The following ERP44 variants were observed in gnomAD, a reference collection of about 807,000 sequenced individuals.
The protein encoded by ERP44 is endoplasmic reticulum resident protein 44.
A neutral mutation model predicts 53.4 loss-of-function variants in ERP44; 25 were observed. The ratio of observed to expected loss-of-function variants is 0.47; its 90% confidence interval spans 0.34 to 0.65. The LOEUF is 0.65. Ranked by LOEUF, ERP44 falls within the 30% of genes least tolerant of loss-of-function variation. The pLI, the probability that ERP44 is intolerant of heterozygous loss-of-function variation, is 0.01. For missense variants in ERP44, 338 were observed against 493.2 expected, an observed-to-expected ratio of 0.69 and a Z score of 2.98; for synonymous variants, 145 against 161.2, an observed-to-expected ratio of 0.90 and a Z score of 0.76.
intron 10 of ERP44, among the ~76,000 whole-genome samples, chr9:100,004,454 G>A (rs889401979): frequency 1.3e-4 from 20 of 152,184 alleles, no homozygotes; most frequent in African/African-American, 4.6e-4. Context: ...CCTGGGGCTT[G>A]GAGATATTGC....
intron 10 of ERP44, among the ~76,000 whole-genome samples, chr9:99,992,088 A>G (rs1830262629): frequency 6.6e-6 from 1 of 152,258 alleles, no homozygotes; most frequent in Admixed American, 6.5e-5. Context: ...TACCAGAGGT[A>G]CAAAGAGCAG....
At chr9:100,061,289 CA>C (rs1826143983) in intron 1 of ERP44, among the ~76,000 whole-genome samples, 1 of 151,526 alleles carries the variant, frequency 6.6e-6, no homozygotes, top group South Asian at 2.1e-4. Context: ...ACTAAAAATA[CA>C]AAAATTAGCC....
rs1309212000 is a variant in ERP44 at position 100,023,414 on chromosome 9, AT to A, written c.287-1189del. On this transcript the variant is annotated intron_variant, in intron 4 of 11. Coordinates refer to ENST00000262455, the MANE Select transcript of ERP44 (RefSeq NM_015051.3). ...CTGAGAAATCATAAAAAAAAAAAAA[AT>A]AAGAAACTTTGATTTCTTTTTTTTT... Among the ~76,000 whole-genome samples the A allele has an allele frequency of 4.8e-4, 71 of 147,566 alleles. 1 individual carries two copies. The highest frequency in any genetic ancestry group is 3.5e-3 in the Middle Eastern group (1 of 288).
Position 100,098,937 on chromosome 9 carries a change from G to A in ERP44, c.-97C>T, listed in dbSNP as rs1055860655. The A allele has an allele frequency of 1.7e-5, 16 of 944,376 alleles. No individual in the cohort carries two copies. The African/African-American group carries it at 2.3e-4, about 14-fold the overall frequency. 58.5% of individuals were successfully genotyped at this position (944,376 alleles called of 1,614,324 possible). A position where few individuals can be genotyped will look rare whatever the true frequency, so the allele number is the denominator to read the frequency against. On this transcript the variant is annotated 5_prime_UTR_variant, in exon 1 of 12. Coordinates refer to ENST00000262455, the MANE Select transcript of ERP44 (RefSeq NM_015051.3). ...AAGGGCTGGGCTCCGGGAGCCGACG[G>A]CAGCGGAGGATTCTCCAGGCAGCGG...
At chr9:100,094,188 G>T (rs893834164) in intron 1 of ERP44, among the ~76,000 whole-genome samples, 1 of 151,892 alleles carries the variant, frequency 6.6e-6, no homozygotes, top group East Asian at 1.9e-4. Context: ...ATTTCTATCC[G>T]CATCTCTAGA....
chr9:100,089,862 T>A (rs913327224), intron 1 of ERP44, among the ~76,000 whole-genome samples: 1 of 152,184 alleles, frequency 6.6e-6, no homozygotes, highest in African/African-American at 2.4e-5. Flanking sequence ...GGGTTCGGTA[T>A]AATCCACAAT....
rs200014739 is a variant in ERP44 at position 99,996,944 on chromosome 9, TAC to T, written c.1016+9560_1016+9561del. On this transcript the variant is annotated intron_variant, in intron 10 of 11. Coordinates refer to ENST00000262455, the MANE Select transcript of ERP44 (RefSeq NM_015051.3). ...ATATGTATATATATACACATACATATACACACACACATGTATATGTACACATA... is the reference window on the plus strand; with the variant it reads ...ATATGTATATATATACACATACATATACACACACATGTATATGTACACATA... Among the ~76,000 whole-genome samples the T allele has an allele frequency of 2.5e-3, 376 of 148,888 alleles. 2 individuals are homozygous for T. Among genetic ancestry groups the T allele is most frequent in the Non-Finnish European group, 3.5e-3 (237 of 67,792 alleles).
chr9:99,982,798 G>C, intron 11 of ERP44, 85 bp from the exon 12 acceptor site: 1 of 663,440 alleles, frequency 1.5e-6, no homozygotes, highest in Non-Finnish European at 2.3e-6. Context: ...ATGAATAGTA[G>C]TTCCCCTATA....
At chr9:100,068,507 C>G (rs1826257570) in intron 1 of ERP44, among the ~76,000 whole-genome samples, 1 of 142,510 alleles carries the variant, frequency 7.0e-6, no homozygotes, top group South Asian at 2.3e-4. Context: ...GCCGCCCCGT[C>G]CGGGAGGGAG....
intron 1 of ERP44, among the ~76,000 whole-genome samples, chr9:100,092,684 A>G (rs1254853689): frequency 5.3e-5 from 8 of 152,220 alleles, no homozygotes; most frequent in Non-Finnish European, 1.0e-4. Flanking sequence ...TTTTTTGAAA[A>G]GAAGACACAT....
chr9:100,039,891 A>G (rs145528441), intron 4 of ERP44, among the ~76,000 whole-genome samples: 23 of 152,244 alleles, frequency 1.5e-4, no homozygotes, highest in African/African-American at 5.5e-4. Flanking sequence ...ACTGTGTGCA[A>G]CTATTTGCCA....
chr9:100,046,330 C>CAAA (rs1825969412), intron 4 of ERP44, among the ~76,000 whole-genome samples: 1 of 151,828 alleles, frequency 6.6e-6, no homozygotes, highest in African/African-American at 2.4e-5. Flanking sequence ...ACAACAACAA[C>CAAA]AAAAAGATAT....
chr9:100,097,083 T>C (rs1203126740), intron 1 of ERP44, among the ~76,000 whole-genome samples: 1 of 152,154 alleles, frequency 6.6e-6, no homozygotes, highest in African/African-American at 2.4e-5. Context: ...CTCTAACATA[T>C]TTTCCAGATT....
Position 100,052,147 on chromosome 9 carries a change from G to A in ERP44, c.286+270C>T, listed in dbSNP as rs534318406. Among the ~76,000 whole-genome samples, 267 of 151,856 alleles carry A rather than the reference G, an allele frequency of 1.8e-3. 2 individuals are homozygous for A. Among genetic ancestry groups the A allele is most frequent in the African/African-American group, 6.2e-3 (255 of 41,412 alleles). The stretch of plus-strand genomic sequence containing the variant: ...AAACACTGCTAGTTTTGTTCCCTAC[G>A]CTTGACCTACTGTAATTTTTTAAAT... On this transcript the variant is annotated intron_variant, in intron 4 of 11. Transcript: ENST00000262455.
intron 1 of ERP44, among the ~76,000 whole-genome samples, chr9:100,073,431 G>A (rs930678685): frequency 6.6e-6 from 1 of 152,052 alleles, no homozygotes; most frequent in Non-Finnish European, 1.5e-5. Flanking sequence ...CTAGGTTTTG[G>A]TACCAGCTCT....
intron 10 of ERP44, among the ~76,000 whole-genome samples, chr9:99,990,906 A>G (rs1477468546): frequency 6.6e-6 from 1 of 152,224 alleles, no homozygotes; most frequent in African/African-American, 2.4e-5. Context: ...ACAAAGATCA[A>G]AAGAGACAAA....
chr9:99,996,740 C>A (rs1830313158), intron 10 of ERP44, among the ~76,000 whole-genome samples: 1 of 152,112 alleles, frequency 6.6e-6, no homozygotes, highest in African/African-American at 2.4e-5. Flanking sequence ...CCTTTGTGTC[C>A]TCATAGCTTA....
At chr9:100,079,912 G>A (rs1388130381) in intron 1 of ERP44, among the ~76,000 whole-genome samples, 2 of 149,620 alleles carry the variant, frequency 1.3e-5, no homozygotes, top group African/African-American at 5.0e-5. Flanking sequence ...TCTAGCCTGG[G>A]TGACAGAGTG....
At chr9:100,020,548 C>A in intron 6 of ERP44, 68 bp downstream of exon 6, 2 of 783,192 alleles carry the variant, frequency 2.6e-6, no homozygotes, top group Non-Finnish European at 4.5e-6. Flanking sequence ...AGGAAATGAC[C>A]AAATACAACA....
Sources: gnomAD v4.1 joint callset for allele counts (sites outside exome capture counted in the v4.1 genomes callset) on GRCh38, gnomAD v4.1.1 for gene constraint, MANE v1.5 for transcripts, NCBI Gene and HGNC (gene_info 2026-07-23, HGNC 2026-07-21) for gene names.